Variants in BMPR1B observed in about 807,000 individuals in gnomAD.
BMPR1B encodes bone morphogenetic protein receptor type-1B.
BMPR1B carries 12 observed loss-of-function variants against 59.1 expected under a neutral mutation model. The ratio of observed to expected loss-of-function variants is 0.20; its 90% CI spans 0.13 to 0.33. The LOEUF is 0.33. Ranked by LOEUF, BMPR1B falls within the 10% of genes least tolerant of loss-of-function variation. BMPR1B has a pLI of 1.00. For synonymous variants in BMPR1B, 237 were observed against 207.3 expected (o/e 1.14, Z -1.23); for missense variants, 550 against 610.9 (o/e 0.90, Z 1.05).
chr4:95,095,279 G>C (rs1156438452), intron 3 of BMPR1B, among the ~76,000 whole-genome samples: 1 of 151,964 alleles, frequency 6.6e-6, no homozygotes, highest in Admixed American at 6.6e-5. Context: ...TTGTTTTAAA[G>C]CTCTAATCAG....
intron 3 of BMPR1B, among the ~76,000 whole-genome samples, chr4:95,003,461 G>GGGT (rs1722595274): frequency 6.6e-6 from 1 of 152,114 alleles, no homozygotes; most frequent in African/African-American, 2.4e-5. Context: ...GAACATGTTA[G>GGGT]GGTGGTGGTG....
At chr4:94,932,562 A>G (rs1729131689) in intron 2 of BMPR1B, among the ~76,000 whole-genome samples, 1 of 152,276 alleles carries the variant, frequency 6.6e-6, no homozygotes, top group South Asian at 2.1e-4. Context: ...TTGTAAAAAT[A>G]TCCATTGCCA....
At chr4:94,903,438 CA>C (rs1727907398) in intron 2 of BMPR1B, among the ~76,000 whole-genome samples, 2 of 150,504 alleles carry the variant, frequency 1.3e-5, no homozygotes, top group African/African-American at 4.9e-5. Flanking sequence ...TAAATTGCCT[CA>C]AAAGTCTTTT....
intron 9 of BMPR1B, 49 bp from the exon 10 acceptor site, chr4:95,131,166 C>A (rs771618714): frequency 7.1e-6 from 11 of 1,539,048 alleles, no homozygotes; most frequent in Non-Finnish European, 9.0e-6. Flanking sequence ...TGAATTATTC[C>A]TGATACTATT....
rs111960328 is a variant in BMPR1B, at chr4:94,870,654, A to G, written c.-182-5177A>G. On this transcript the variant is annotated intron_variant, in intron 1 of 12. Transcript: ENST00000515059. ...GACTTTTCTTGAGTATGTTAGACTT[A>G]ACCTGAAAGTTTTGGTTGTGATGGG... 5.6e-3 allele frequency among the ~76,000 whole-genome samples: 849 copies of G among 152,264 alleles called. 11 individuals carry two copies. Among genetic ancestry groups the G allele is most frequent in the African/African-American group, 0.02 (812 of 41,548 alleles).
At chr4:94,928,976 A>G (rs1728992552) in intron 2 of BMPR1B, among the ~76,000 whole-genome samples, 1 of 152,118 alleles carries the variant, frequency 6.6e-6, no homozygotes, top group African/African-American at 2.4e-5. Context: ...ATTCATTTAA[A>G]AGAACAAATA....
chr4:95,139,327 T>A (rs1469104224), intron 10 of BMPR1B, among the ~76,000 whole-genome samples: 1 of 152,186 alleles, frequency 6.6e-6, no homozygotes, highest in African/African-American at 2.4e-5. Flanking sequence ...CGGCCCCTAC[T>A]GGGAGGTGCC....
At chr4:94,788,939 T>C (rs1722856905) in intron 1 of BMPR1B, among the ~76,000 whole-genome samples, 1 of 152,176 alleles carries the variant, frequency 6.6e-6, no homozygotes, top group Non-Finnish European at 1.5e-5. Context: ...TCACCTCACC[T>C]TCTATCACAT....
intron 1 of BMPR1B, among the ~76,000 whole-genome samples, chr4:94,846,981 T>C (rs1725361114): frequency 6.6e-6 from 1 of 152,038 alleles, no homozygotes; most frequent in Admixed American, 6.5e-5. Context: ...GCTTCTGTAC[T>C]GTAAAAGAAA....
At chr4:95,006,975 A>T (rs1413665993) in intron 3 of BMPR1B, among the ~76,000 whole-genome samples, 2 of 152,204 alleles carry the variant, frequency 1.3e-5, no homozygotes, top group African/African-American at 4.8e-5. Flanking sequence ...CACATTTACC[A>T]GGTGTCCAAA....
At chr4:94,982,349 A>C (rs1228908419) in intron 2 of BMPR1B, among the ~76,000 whole-genome samples, 2 of 152,200 alleles carry the variant, frequency 1.3e-5, no homozygotes, top group East Asian at 3.8e-4. Flanking sequence ...ATAGGAATTA[A>C]ACAATCAGAT....
At chr4:95,086,561 A>G (rs1729591719) in intron 3 of BMPR1B, among the ~76,000 whole-genome samples, 1 of 152,226 alleles carries the variant, frequency 6.6e-6, no homozygotes, top group African/African-American at 2.4e-5. Context: ...TCAGTGAAAC[A>G]GAACAGAGGA....
chr4:95,114,939 C>A, intron 5 of BMPR1B, 117 bp downstream of exon 5: 1 of 959,838 alleles, frequency 1.0e-6, no homozygotes, highest in East Asian at 2.4e-5. Flanking sequence ...TCATGAGCTG[C>A]ACAAAAACAT....
At chr4:94,804,779 C>T (rs537357085) in intron 1 of BMPR1B, among the ~76,000 whole-genome samples, 13 of 152,120 alleles carry the variant, frequency 8.5e-5, no homozygotes, top group African/African-American at 2.9e-4. Flanking sequence ...TTTTGTAACA[C>T]GTATGCCTAA....
chr4:95,097,578 G>C (rs1468028881), intron 3 of BMPR1B, among the ~76,000 whole-genome samples: 1 of 151,560 alleles, frequency 6.6e-6, no homozygotes, highest in Non-Finnish European at 1.5e-5. Context: ...TCGATCTGTC[G>C]CCAGGCTGGA....
chr4:94,959,962 G>A (rs1173174120), intron 2 of BMPR1B, among the ~76,000 whole-genome samples: 1 of 152,144 alleles, frequency 6.6e-6, no homozygotes, highest in African/African-American at 2.4e-5. Context: ...CATGTTTTCA[G>A]TGTCAAAGTA....
chr4:95,027,301 G>A (rs1267707531), intron 3 of BMPR1B, among the ~76,000 whole-genome samples: 1 of 152,052 alleles, frequency 6.6e-6, no homozygotes, highest in Non-Finnish European at 1.5e-5. Context: ...TCAAAGTACT[G>A]ATTATTTCAT....
intron 1 of BMPR1B, among the ~76,000 whole-genome samples, chr4:94,793,866 TTTG>T (rs1295061485): frequency 6.6e-6 from 1 of 151,562 alleles, no homozygotes; most frequent in Non-Finnish European, 1.5e-5. Flanking sequence ...GATGGGATTG[TTTG>T]TTTTTTTCTT....
intron 2 of BMPR1B, among the ~76,000 whole-genome samples, chr4:94,983,073 T>C (rs1393031965): frequency 6.6e-6 from 1 of 152,148 alleles, no homozygotes; most frequent in Non-Finnish European, 1.5e-5. Flanking sequence ...ATTAGCAGTT[T>C]CTTCTGCTTG....
Sources: gnomAD v4.1 joint callset for allele counts (sites outside exome capture counted in the v4.1 genomes callset) on GRCh38, gnomAD v4.1.1 for gene constraint, MANE v1.5 for transcripts, NCBI Gene and HGNC (gene_info 2026-07-23, HGNC 2026-07-21) for gene names.